Variants in FOXP1 observed in about 807,000 individuals in gnomAD.
FOXP1 encodes the protein forkhead box protein P1.
Under a neutral mutation model 98.2 loss-of-function variants are expected in FOXP1, and 15 were observed. The observed-to-expected ratio is 0.15, with a 90% CI of 0.10 to 0.24. The LOEUF (loss-of-function observed/expected upper bound fraction) is 0.24. Among genes scored for constraint, FOXP1 ranks in the 10% least tolerant of loss-of-function variants. FOXP1 has a pLI of 1.00. For missense variants in FOXP1, 633 were observed against 848.5 expected, an observed-to-expected ratio of 0.75 and a Z score of 3.15; for synonymous variants, 371 against 314.5, an observed-to-expected ratio of 1.18 and a Z score of -1.90.
chr3:71,271,771 C>T (rs905925865), intron 5 of FOXP1, among the ~76,000 whole-genome samples: 3 of 152,116 alleles, frequency 2.0e-5, no homozygotes. Context: ...AGAAAGGAGA[C>T]AAAGAGGAAA....
At chr3:71,039,574 T>C (rs1485056929) in intron 11 of FOXP1, among the ~76,000 whole-genome samples, 2 of 152,182 alleles carry the variant, frequency 1.3e-5, no homozygotes, top group South Asian at 2.1e-4. Context: ...TTGCCACAAA[T>C]ACCTTAAGTG....
At chr3:71,216,698 T>C (rs1204696693) in intron 5 of FOXP1, among the ~76,000 whole-genome samples, 2 of 152,080 alleles carry the variant, frequency 1.3e-5, no homozygotes, top group Admixed American at 1.3e-4. Flanking sequence ...ATAATTTCCT[T>C]TGGGTCCAAC....
intron 12 of FOXP1, among the ~76,000 whole-genome samples, chr3:71,011,663 A>T (rs937523514): frequency 6.6e-6 from 1 of 152,170 alleles, no homozygotes; most frequent in Non-Finnish European, 1.5e-5. Context: ...TGTAACTTAC[A>T]AACAAAAGTC....
intron 4 of FOXP1, among the ~76,000 whole-genome samples, chr3:71,350,042 C>T (rs1157105213): frequency 2.0e-5 from 3 of 152,176 alleles, no homozygotes; most frequent in Non-Finnish European, 2.9e-5. Context: ...TTCATCCATT[C>T]ACTTATTACG....
chr3:71,360,916 G>C (rs1393657322), intron 3 of FOXP1, among the ~76,000 whole-genome samples: 1 of 152,206 alleles, frequency 6.6e-6, no homozygotes, highest in African/African-American at 2.4e-5. Context: ...ACTCAGAAGA[G>C]AGTTAAGAGA....
chr3:71,324,813 A>C (rs1304288866), intron 4 of FOXP1, among the ~76,000 whole-genome samples: 1 of 152,174 alleles, frequency 6.6e-6, no homozygotes, highest in African/African-American at 2.4e-5. Context: ...AATTCAAAAC[A>C]AATTAAAAAA....
At chr3:71,368,913 T>C (rs557010846) in intron 3 of FOXP1, among the ~76,000 whole-genome samples, 1 of 152,306 alleles carries the variant, frequency 6.6e-6, no homozygotes, top group African/African-American at 2.4e-5. Context: ...TATGTAAAGC[T>C]ACCAAAATCT....
intron 6 of FOXP1, among the ~76,000 whole-genome samples, chr3:71,195,908 C>A (rs1386958404): frequency 2.6e-5 from 4 of 152,208 alleles, no homozygotes; most frequent in Non-Finnish European, 5.9e-5. Context: ...ACTCTGATAA[C>A]TCTAGTCCTG....
At chr3:71,582,729 C>T in intron 1 of FOXP1, 1 of 985,238 alleles carries the variant, frequency 1.0e-6, no homozygotes, top group Non-Finnish European at 1.2e-6. Flanking sequence ...GTTGCGGACT[C>T]GTCTCGGGAA....
intron 5 of FOXP1, among the ~76,000 whole-genome samples, chr3:71,243,867 A>T (rs1425743288): frequency 6.6e-6 from 1 of 152,212 alleles, no homozygotes; most frequent in African/African-American, 2.4e-5. Context: ...AGTTAAAAAC[A>T]GTAAACCTCC....
chr3:71,498,332 G>C (rs960839752), intron 2 of FOXP1, among the ~76,000 whole-genome samples: 1 of 152,314 alleles, frequency 6.6e-6, no homozygotes, highest in Middle Eastern at 3.4e-3. Context: ...CAGGGAGCTA[G>C]AAAGAGCAGC....
intron 6 of FOXP1, among the ~76,000 whole-genome samples, chr3:71,166,169 G>T (rs975303262): frequency 6.6e-6 from 1 of 152,160 alleles, no homozygotes; most frequent in African/African-American, 2.4e-5. Context: ...TATGTGCAGG[G>T]AGTCTTCCAG....
At chr3:71,508,714 G>A (rs17718831) in intron 2 of FOXP1, among the ~76,000 whole-genome samples, 91,772 of 151,990 alleles carry the variant, frequency 0.6, 29,089 homozygotes, top group African/African-American at 0.65. Context: ...ACCAATTATC[G>A]TAATAGATCC....
chr3:71,178,420 C>T lies in FOXP1; in HGVS notation c.180+19782G>A, dbSNP rs534183626. On this transcript the variant is annotated intron_variant, in intron 6 of 20. Transcript: ENST00000649528. ...AAGTGCTGGGATGAGAGGCGTGAGC[C>T]ATCGCGCCCGGCCAGTAATTTCTAA... 2.8e-4 allele frequency among the ~76,000 whole-genome samples: 42 copies of T among 152,144 alleles called. 1 individual carries two copies. In the South Asian group the frequency reaches 8.7e-3, roughly 32 times the overall value.
At chr3:70,985,515 T>G (rs1415764842) in intron 14 of FOXP1, among the ~76,000 whole-genome samples, 1 of 152,188 alleles carries the variant, frequency 6.6e-6, no homozygotes, top group Non-Finnish European at 1.5e-5. Context: ...GTATCTTTAA[T>G]AAAATTTTCT....
At chr3:71,288,030 G>A (rs909383110) in intron 5 of FOXP1, among the ~76,000 whole-genome samples, 6 of 151,754 alleles carry the variant, frequency 4.0e-5, no homozygotes, top group East Asian at 4.0e-4. Context: ...ACAGGCATGC[G>A]CCACCACGCC....
chr3:71,542,426 T>C (rs2044925863), intron 2 of FOXP1, among the ~76,000 whole-genome samples: 2 of 152,240 alleles, frequency 1.3e-5, no homozygotes, highest in East Asian at 1.9e-4. Flanking sequence ...AGCAGAGCGA[T>C]CGAAATCTCG....
chr3:71,058,354 C>T (rs542512198), intron 7 of FOXP1, among the ~76,000 whole-genome samples: 1 of 152,300 alleles, frequency 6.6e-6, no homozygotes, highest in South Asian at 2.1e-4. Flanking sequence ...ATGCTAAACA[C>T]TGTTTCATTT....
intron 7 of FOXP1, among the ~76,000 whole-genome samples, chr3:71,066,530 G>A (rs2052537173): frequency 6.6e-6 from 1 of 152,324 alleles, no homozygotes; most frequent in African/African-American, 2.4e-5. Context: ...TATCAGTAGA[G>A]TTCTGACTCT....
Sources: allele counts gnomAD v4.1 joint callset (sites outside exome capture counted in the v4.1 genomes callset), GRCh38; gene constraint gnomAD v4.1.1; transcripts MANE v1.5; gene names NCBI Gene and HGNC (gene_info 2026-07-23, HGNC 2026-07-21).